DSCAM: variants seen among roughly 807,000 people sequenced by gnomAD.
DSCAM encodes DS cell adhesion molecule.
In DSCAM, 47 loss-of-function variants were observed where a neutral mutation model predicts 217.7. The observed-to-expected ratio is 0.22, with a 90% CI of 0.17 to 0.28. DSCAM has a LOEUF of 0.28. DSCAM is among the 10% of genes least tolerant of loss of function. DSCAM has a pLI of 1.00. For missense variants in DSCAM, 2,080 were observed against 2,618.3 expected (o/e 0.79, Z 4.49); for synonymous variants, 1,056 against 1,015.3 (o/e 1.04, Z -0.76).
intron 15 of DSCAM, among the ~76,000 whole-genome samples, chr21:40,176,574 A>T: frequency 6.6e-6 from 1 of 152,218 alleles, no homozygotes; most frequent in East Asian, 1.9e-4. Context: ...TAGGTAAGTC[A>T]CACATGGGAA....
chr21:40,803,183 T>C (rs2123507023), intron 1 of DSCAM, among the ~76,000 whole-genome samples: 1 of 152,318 alleles, frequency 6.6e-6, no homozygotes, highest in African/African-American at 2.4e-5. Flanking sequence ...ACAGCTGAAA[T>C]CTCATATGTT....
rs887319006 is a variant in DSCAM at position 40,658,634 on chromosome 21, A to T, written c.508+34176T>A. On this transcript the variant is annotated intron_variant, in intron 3 of 32. Transcript: ENST00000400454. ...TTTGCATACGACTTACAAGTCTGAA[A>T]CATGAACAAGAAGACTACGGTCCCC... 2.6e-5 allele frequency among the ~76,000 whole-genome samples: 4 copies of T among 152,336 alleles called. No homozygotes were observed. The East Asian group carries it at 7.7e-4, about 29-fold the overall frequency.
At chr21:40,312,936 G>A (rs1328399244) in intron 8 of DSCAM, among the ~76,000 whole-genome samples, 1 of 151,760 alleles carries the variant, frequency 6.6e-6, no homozygotes, top group African/African-American at 2.4e-5. Context: ...AACATAACGG[G>A]ACCCCCATAT....
chr21:40,173,690 C>T (rs564123746), intron 15 of DSCAM, among the ~76,000 whole-genome samples: 2 of 152,304 alleles, frequency 1.3e-5, no homozygotes, highest in South Asian at 4.1e-4. Flanking sequence ...ATTCCATCCT[C>T]TCCCCTCCAC....
At chr21:40,535,818 A>G (rs2076491365) in intron 3 of DSCAM, among the ~76,000 whole-genome samples, 2 of 152,218 alleles carry the variant, frequency 1.3e-5, no homozygotes, top group Admixed American at 1.3e-4. Flanking sequence ...CAACTGGTTC[A>G]AAGATAGTGA....
intron 10 of DSCAM, among the ~76,000 whole-genome samples, chr21:40,290,292 C>A (rs1569044235): frequency 6.6e-6 from 1 of 152,102 alleles, no homozygotes; most frequent in Non-Finnish European, 1.5e-5. Context: ...GGAAAATTGA[C>A]CCCAAATGGA....
intron 3 of DSCAM, among the ~76,000 whole-genome samples, chr21:40,527,428 C>G (rs142812338): frequency 8.5e-4 from 129 of 152,304 alleles, no homozygotes; most frequent in African/African-American, 3.0e-3. Context: ...TCTCTGAAAC[C>G]TACTGAGCTA....
chr21:40,784,262 C>G (rs1375046992), intron 1 of DSCAM, among the ~76,000 whole-genome samples: 1 of 152,062 alleles, frequency 6.6e-6, no homozygotes, highest in Non-Finnish European at 1.5e-5. Flanking sequence ...ATACTGTTCT[C>G]ATGGTGGTGA....
At chr21:40,584,132 A>C (rs2076926032) in intron 3 of DSCAM, among the ~76,000 whole-genome samples, 1 of 152,148 alleles carries the variant, frequency 6.6e-6, no homozygotes, top group South Asian at 2.1e-4. Context: ...AAAAATCCAT[A>C]AGAAAAGAAG....
chr21:40,735,018 T>A (rs1234230427), intron 1 of DSCAM, among the ~76,000 whole-genome samples: 2 of 152,222 alleles, frequency 1.3e-5, no homozygotes, highest in African/African-American at 4.8e-5. Flanking sequence ...ACTGGTCAAC[T>A]ATTCACAAAT....
chr21:40,344,763 T>C (rs1031488493), intron 6 of DSCAM, among the ~76,000 whole-genome samples: 11 of 152,200 alleles, frequency 7.2e-5, no homozygotes, highest in Non-Finnish European at 1.2e-4. Context: ...TTTGTGTTTA[T>C]TTTTGGAGTT....
intron 11 of DSCAM, among the ~76,000 whole-genome samples, chr21:40,243,720 T>C (rs1462543169): frequency 1.3e-5 from 2 of 152,318 alleles, no homozygotes; most frequent in Non-Finnish European, 1.5e-5. Context: ...CTTCAGAGAA[T>C]GCCCAGGTGT....
chr21:40,657,446 A>C (rs977756449), intron 3 of DSCAM, among the ~76,000 whole-genome samples: 1 of 152,240 alleles, frequency 6.6e-6, no homozygotes, highest in African/African-American at 2.4e-5. Context: ...AGGAGTAAAA[A>C]GCAACATTAG....
chr21:40,662,436 G>T (rs2090148603), intron 3 of DSCAM, among the ~76,000 whole-genome samples: 1 of 152,056 alleles, frequency 6.6e-6, no homozygotes, highest in Admixed American at 6.6e-5. Context: ...GTCCTATTTT[G>T]GCCATAAGTG....
chr21:40,235,997 T>A (rs1444483794), intron 11 of DSCAM, among the ~76,000 whole-genome samples: 1 of 152,230 alleles, frequency 6.6e-6, no homozygotes. Flanking sequence ...GTGGCTGTAT[T>A]ATCAAGTACC....
chr21:40,696,022 TCCAACTACTG>T (rs1051790776), intron 2 of DSCAM, among the ~76,000 whole-genome samples: 10 of 151,750 alleles, frequency 6.6e-5, no homozygotes, highest in Admixed American at 2.0e-4. Flanking sequence ...TCATTCTACA[TCCAACTACTG>T]CTAACTTTGT....
At chr21:40,250,065 C>T (rs1353619120) in intron 11 of DSCAM, among the ~76,000 whole-genome samples, 1 of 152,192 alleles carries the variant, frequency 6.6e-6, no homozygotes, top group Non-Finnish European at 1.5e-5. Flanking sequence ...AGGTTCTACT[C>T]ACATTGACCT....
At chr21:40,685,657 T>C (rs560591033) in intron 3 of DSCAM, among the ~76,000 whole-genome samples, 2 of 152,314 alleles carry the variant, frequency 1.3e-5, no homozygotes, top group South Asian at 4.1e-4. Flanking sequence ...CTTTGCTGCT[T>C]TTGCTCCATA....
chr21:40,302,950 T>C (rs1175591416), intron 9 of DSCAM, among the ~76,000 whole-genome samples: 1 of 152,172 alleles, frequency 6.6e-6, no homozygotes, highest in African/African-American at 2.4e-5. Flanking sequence ...TTAAATGTAG[T>C]CCAGCGTTTT....
Sources: allele counts gnomAD v4.1 joint callset (sites outside exome capture counted in the v4.1 genomes callset), GRCh38; gene constraint gnomAD v4.1.1; transcripts MANE v1.5; gene names NCBI Gene and HGNC (gene_info 2026-07-23, HGNC 2026-07-21).